HHIPL2: variants seen among roughly 807,000 people sequenced by gnomAD.
The protein encoded by HHIPL2 is HHIP-like protein 2.
A neutral mutation model predicts 61.0 loss-of-function variants in HHIPL2; 61 were observed. That is an observed-to-expected ratio of 1.00 (90% CI 0.81 to 1.24). The LOEUF (loss-of-function observed/expected upper bound fraction) is 1.24, where lower values mean the gene tolerates loss of function less well. HHIPL2 is among the 50% of genes most tolerant of loss of function. The pLI, the probability that HHIPL2 is intolerant of heterozygous loss-of-function variation, is 0.00. For missense variants in HHIPL2, 885 were observed against 910.2 expected (o/e 0.97, Z 0.36); for synonymous variants, 343 against 357.4 (o/e 0.96, Z 0.45).
intron 6 of HHIPL2, among the ~76,000 whole-genome samples, chr1:222,527,572 C>T (rs565724760): frequency 2.0e-5 from 3 of 152,240 alleles, no homozygotes; most frequent in South Asian, 2.1e-4. Flanking sequence ...TTTCTCCTCT[C>T]GGTCTTTTCC....
intron 5 of HHIPL2, among the ~76,000 whole-genome samples, chr1:222,533,928 C>T (rs1354868858): frequency 6.6e-6 from 1 of 152,122 alleles, no homozygotes; most frequent in Non-Finnish European, 1.5e-5. Flanking sequence ...GCAAAAGGTT[C>T]CCCTGAAGTA....
In HHIPL2 at chr1:222,522,485, G is replaced by T; in HGVS notation, c.*116C>A. 2 of 1,109,326 alleles carry T rather than the reference G, an allele frequency of 1.8e-6. No individual in the cohort carries two copies. The highest frequency in any genetic ancestry group is 2.6e-6 in the Non-Finnish European group (2 of 774,854). 68.7% of individuals were successfully genotyped at this position (1,109,326 alleles called of 1,614,324 possible). A position where few individuals can be genotyped will look rare whatever the true frequency, so the allele number is the denominator to read the frequency against. On this transcript the variant is annotated 3_prime_UTR_variant, in exon 9 of 9. Coordinates refer to ENST00000343410, the MANE Select transcript of HHIPL2 (RefSeq NM_024746.4). ...TTCCCAGGGAGAGGAAAACCGCCCT[G>T]CCCCACCTCTACCCTGGCTTCCCAG...
chr1:222,542,239 C>A, intron 2 of HHIPL2, 84 bp from the exon 3 acceptor site: 1 of 1,498,170 alleles, frequency 6.7e-7, no homozygotes, highest in Non-Finnish European at 8.9e-7. Context: ...AATGACTGGG[C>A]CAAGCCACCG....
At chr1:222,524,116 C>A in intron 7 of HHIPL2, 1 of 166,808 alleles carries the variant, frequency 6.0e-6, no homozygotes. Context: ...GATGATTCTG[C>A]TGCTGCTTCT....
At chr1:222,538,127 T>C (rs1659340552) in intron 5 of HHIPL2, among the ~76,000 whole-genome samples, 2 of 151,970 alleles carry the variant, frequency 1.3e-5, no homozygotes, top group African/African-American at 4.8e-5. Flanking sequence ...ATATTATAAT[T>C]ATTCCATTTA....
Position 222,547,834 on chromosome 1 carries a change from C to A in HHIPL2, c.211G>T (p.Asp71Tyr). 1 of 1,614,158 alleles carries A rather than the reference C, an allele frequency of 6.2e-7. No individual in the cohort carries two copies. Among genetic ancestry groups the A allele is most frequent in the Non-Finnish European group, 8.5e-7 (1 of 1,180,028 alleles). ...CSDYESFGCC[D>Y]QHKDRRIAAR... ...GCGATGCGGCGGTCCTTGTGCTGAT[C>A]ACAGCAGCCGAAGGACTCATAGTCA... The change falls in exon 1 of 9, where the codon GAT (aspartate) becomes TAT (tyrosine). Residue 71 changes from aspartate to tyrosine, a missense_variant. By Grantham distance (160) the Asp-to-Tyr change is radical (BLOSUM62 -3). Transcript: ENST00000343410.
rs1021885110 is a variant in HHIPL2, at chr1:222,542,248, C to T, written c.975-93G>A. ...CCCAGAAATGACTGGGCCAAGCCAC[C>T]GAGATTTGCCAAGCCAGCCAAGACC... is the stretch of plus-strand genomic sequence containing the variant. On this transcript the variant is annotated intron_variant, in intron 2 of 8. Coordinates refer to ENST00000343410, the MANE Select transcript of HHIPL2 (RefSeq NM_024746.4). The T allele has an allele frequency of 1.6e-5, 24 of 1,457,536 alleles. No homozygotes were observed. In the East Asian group the frequency reaches 1.9e-4, roughly 11 times the overall value. The allele number at this position is 1,457,536 out of a possible 1,614,324, so 90.3% of individuals were successfully genotyped here.
Position 222,543,749 on chromosome 1 carries a change from G to A in HHIPL2, c.762C>T (p.Pro254=), listed in dbSNP as rs1571777744. The change falls in exon 2 of 9, where the codon CCC becomes CCT. Residue 254 remains proline (P), a synonymous_variant. Transcript: ENST00000343410. ...YLPDGSRLEQ[P]FLDLKNIVLT... The stretch of plus-strand genomic sequence containing the variant: ...ACACGATGTTCTTGAGGTCCAGGAA[G>A]GGTTGCTCCAGGCGACTCCCATCAG... The A allele has an allele frequency of 1.2e-6, 2 of 1,614,090 alleles. No individual in the cohort carries two copies. The highest frequency in any genetic ancestry group is 1.3e-5 in the African/African-American group (1 of 74,924).
chr1:222,543,638 A>C lies in HHIPL2; in HGVS notation c.873T>G (p.Ile291Met). 6.2e-7 allele frequency: 1 copy of C among 1,614,122 alleles called. No homozygotes were observed. The stretch of plus-strand genomic sequence containing the variant: ...TCTTCTTGTCCAGGCACGAATAATA[A>C]ATATAGAACTTGCGATTGTGGCGGA... ...PKFRHNRKFY[I>M]YYSCLDKKKV... Residue 291 changes from isoleucine to methionine, a missense_variant, in exon 2 of 9, where the codon ATT becomes ATG. Coordinates refer to ENST00000343410, the MANE Select transcript of HHIPL2 (RefSeq NM_024746.4).
intron 1 of HHIPL2, among the ~76,000 whole-genome samples, chr1:222,544,700 A>T (rs1659518826): frequency 6.6e-6 from 1 of 152,066 alleles, no homozygotes; most frequent in South Asian, 2.1e-4. Context: ...ATCTACCAAG[A>T]TGTTATTTCT....
chr1:222,538,917 G>C, intron 4 of HHIPL2, 143 bp from the exon 5 acceptor site: 1 of 730,084 alleles, frequency 1.4e-6, no homozygotes, highest in Non-Finnish European at 2.2e-6. Flanking sequence ...AGGCAAGCAA[G>C]TGAATCATGT....
Position 222,538,700 on chromosome 1 carries a change from A to G in HHIPL2, c.1525T>C (p.Cys509Arg). Reference sequence around the variant, plus strand: ...AGGCCATTGAGATTTGGGGATTCACAACCACGATAGACATAACCTCCAGTG... The same window carrying G: ...AGGCCATTGAGATTTGGGGATTCACGACCACGATAGACATAACCTCCAGTG... ...SVTGGYVYRG[C>R]ESPNLNGLYI... is the part of the protein sequence containing the mutation. The change falls in exon 5 of 9, where the codon TGT (cysteine) becomes CGT (arginine). Residue 509 changes from cysteine to arginine, a missense_variant. Transcript: ENST00000343410. 12 of 1,614,082 alleles carry G rather than the reference A, an allele frequency of 7.4e-6. No homozygotes were observed. Among genetic ancestry groups the G allele is most frequent in the African/African-American group, 1.3e-5 (1 of 75,050 alleles).
chr1:222,522,567 T>C lies in HHIPL2; in HGVS notation c.*34A>G. 1.3e-6 allele frequency: 2 copies of C among 1,597,882 alleles called. No individual in the cohort carries two copies. The highest frequency in any genetic ancestry group is 1.7e-6 in the Non-Finnish European group (2 of 1,174,460). Reference sequence around the variant, plus strand: ...CATTTGATGAGGTGGCTCTCCTCTCTCACGTCACCCTGTCGGCCACCTTGA... The same window carrying C: ...CATTTGATGAGGTGGCTCTCCTCTCCCACGTCACCCTGTCGGCCACCTTGA... On this transcript the variant is annotated 3_prime_UTR_variant, in exon 9 of 9. Coordinates refer to ENST00000343410, the MANE Select transcript of HHIPL2 (RefSeq NM_024746.4).
chr1:222,541,985 C>G (rs374644100), intron 3 of HHIPL2, 27 bp downstream of exon 3: 12 of 1,584,030 alleles, frequency 7.6e-6, no homozygotes, highest in Non-Finnish European at 1.0e-5. Flanking sequence ...TCTGAAGGGA[C>G]AAGGGCCCGG....
intron 2 of HHIPL2, among the ~76,000 whole-genome samples, chr1:222,543,068 A>G (rs1659470032): frequency 1.3e-5 from 2 of 152,230 alleles, no homozygotes; most frequent in Admixed American, 1.3e-4. Context: ...GGTAGGGTGG[A>G]AAGAGCATGA....
In HHIPL2 at chr1:222,543,986, AG is replaced by A. The variant is rs750701533; in HGVS notation, c.524del (p.Pro175LeufsTer11). Reference protein sequence around the residue: ...GTRFCHLLDLPDKDYCFPNVL... With the variant: ...GTRFCHLLDLXDKDYCFPNVL... The stretch of plus-strand genomic sequence containing the variant: ...CATTAGGGAAGCAATAGTCCTTGTC[AG>A]GAAGGTCCAGGAGGTGGCAGAAGCG... On this transcript the variant is annotated frameshift_variant, in exon 2 of 9. Transcript: ENST00000343410. LOFTEE classifies it high-confidence loss of function. The A allele has an allele frequency of 6.2e-7, 1 of 1,614,184 alleles. No individual in the cohort carries two copies. The highest frequency in any genetic ancestry group is 1.1e-5 in the South Asian group (1 of 91,084).
Position 222,526,969 on chromosome 1 carries a change from C to A in HHIPL2, c.1805G>T (p.Arg602Met), listed in dbSNP as rs866468686. ...GSIYKFVDPS[R>M]RAPPGKCKYK... The stretch of plus-strand genomic sequence containing the variant: ...AGAAGAAAATGACATCAAATCTCAC[C>A]TTGAGGGGTCAACAAACTTGTAAAT... Residue 602 changes from arginine (R) to methionine (M), a missense_variant and splice_region_variant, in exon 7 of 9, where the codon AGG becomes ATG. Arg to Met is a moderately conservative substitution (Grantham distance 91). Transcript: ENST00000343410. 1 of 1,611,606 alleles carries A rather than the reference C, an allele frequency of 6.2e-7. No homozygotes were observed. Among genetic ancestry groups the A allele is most frequent in the Admixed American group, 1.7e-5 (1 of 59,748 alleles).
intron 8 of HHIPL2, among the ~76,000 whole-genome samples, chr1:222,523,143 A>G (rs1469991560): frequency 1.3e-5 from 2 of 152,074 alleles, no homozygotes; most frequent in Non-Finnish European, 2.9e-5. Flanking sequence ...CCAAGGAAAC[A>G]TTCCTCATTC....
intron 6 of HHIPL2, among the ~76,000 whole-genome samples, chr1:222,528,307 G>T (rs1659111984): frequency 6.6e-6 from 1 of 152,170 alleles, no homozygotes; most frequent in Admixed American, 6.5e-5. Flanking sequence ...TATTCAATTA[G>T]AAAGTGTTAG....
Sources: gnomAD v4.1 joint callset for allele counts (sites outside exome capture counted in the v4.1 genomes callset) on GRCh38, gnomAD v4.1.1 for gene constraint, MANE v1.5 for transcripts, NCBI Gene and HGNC (gene_info 2026-07-23, HGNC 2026-07-21) for gene names.